BOLL: variants seen among roughly 807,000 people sequenced by gnomAD.
The protein encoded by BOLL is boule RNA binding protein, also known as protein boule-like.
Under a neutral mutation model 44.4 loss-of-function variants are expected in BOLL, and 23 were observed. The ratio of observed to expected loss-of-function variants is 0.52; its 90% CI spans 0.37 to 0.73. The LOEUF (loss-of-function observed/expected upper bound fraction) is 0.73, where lower values mean the gene tolerates loss of function less well. Ranked by LOEUF, BOLL falls within the 30% of genes least tolerant of loss-of-function variation. BOLL has a pLI of 0.00. For synonymous variants in BOLL, 97 were observed against 110.8 expected, an observed-to-expected ratio of 0.88 and a Z score of 0.78; for missense variants, 287 against 338.3, an observed-to-expected ratio of 0.85 and a Z score of 1.19.
chr2:197,737,745 T>A (rs1687559300), intron 10 of BOLL, among the ~76,000 whole-genome samples: 1 of 152,142 alleles, frequency 6.6e-6, no homozygotes, highest in South Asian at 2.1e-4. Flanking sequence ...AATTTTTAGG[T>A]AAGTGCACGC....
upstream of BOLL, chr2:197,785,404 C>G (rs189516415): frequency 4.4e-3 from 4,285 of 983,732 alleles, 9 homozygotes; most frequent in Middle Eastern, 9.4e-3. This position sits in a 1 kb window ranked among gnomAD's most constrained non-coding sequence, Gnocchi z 6.7. Context: ...CGCTGCGCCT[C>G]GGGCCTGTGC....
chr2:197,784,454 G>A (rs1403892325), intron 1 of BOLL, among the ~76,000 whole-genome samples: 2 of 115,004 alleles, frequency 1.7e-5, no homozygotes, highest in Non-Finnish European at 3.4e-5. Context: ...ATATATTTGA[G>A]ACAGTCTTGC....
rs752832563 is a variant in BOLL, at chr2:197,728,281, T to G, written c.*274A>C. On this transcript the variant is annotated 3_prime_UTR_variant, in exon 11 of 11. Coordinates refer to ENST00000392296, the MANE Select transcript of BOLL (RefSeq NM_033030.6). ...ATGTGGTTATTATTTATGGAATGGA[T>G]AAAACATGTTGTAGAAAAGGTCATT... 7 of 493,048 alleles carry G rather than the reference T, an allele frequency of 1.4e-5. No individual in the cohort carries two copies. The highest frequency in any genetic ancestry group is 2.5e-5 in the Non-Finnish European group (7 of 279,686). 30.5% of individuals were successfully genotyped at this position (493,048 alleles called of 1,614,324 possible).
At position 197,783,921 on chromosome 2, in the gene BOLL, A is replaced by T. The variant is rs1003479293; in HGVS notation, c.-16+1135T>A. Among the ~76,000 whole-genome samples, 41 of 152,186 alleles carry T rather than the reference A, an allele frequency of 2.7e-4. 1 individual carries two copies. Among genetic ancestry groups the T allele is most frequent in the Admixed American group, 2.6e-3 (40 of 15,276 alleles). On this transcript the variant is annotated intron_variant, in intron 1 of 10. Transcript: ENST00000392296. ...ATGAAATTCTCTTATTGAAAATAAGATGTACTAATATGTTCGCAAGTTTAA... is the reference window on the plus strand; with the variant it reads ...ATGAAATTCTCTTATTGAAAATAAGTTGTACTAATATGTTCGCAAGTTTAA...
chr2:197,783,340 C>A (rs1309999534), intron 1 of BOLL, among the ~76,000 whole-genome samples: 1 of 152,148 alleles, frequency 6.6e-6, no homozygotes, highest in Non-Finnish European at 1.5e-5. Context: ...AATTCCAATT[C>A]TCTGAGAAAC....
At chr2:197,733,669 C>G (rs1687324118) in intron 10 of BOLL, among the ~76,000 whole-genome samples, 1 of 152,114 alleles carries the variant, frequency 6.6e-6, no homozygotes, top group African/African-American at 2.4e-5. Context: ...ATATCTACAA[C>G]TATCTGATCT....
intron 10 of BOLL, among the ~76,000 whole-genome samples, chr2:197,738,559 C>T (rs1300628199): frequency 6.6e-6 from 1 of 152,198 alleles, no homozygotes; most frequent in Non-Finnish European, 1.5e-5. Flanking sequence ...GTAAACAGTA[C>T]TTCACAGCAG....
intron 3 of BOLL, among the ~76,000 whole-genome samples, 166 bp from the exon 4 acceptor site, chr2:197,777,279 T>G (rs1689559060): frequency 1.3e-5 from 2 of 151,796 alleles, no homozygotes; most frequent in Non-Finnish European, 2.9e-5. Flanking sequence ...ATTCACAGCC[T>G]AACACTGTCA....
chr2:197,741,564 G>C (rs1687733900), intron 10 of BOLL, among the ~76,000 whole-genome samples: 1 of 152,156 alleles, frequency 6.6e-6, no homozygotes. Context: ...AATGGGGAAA[G>C]GATCCCCTAT....
At chr2:197,758,647 T>C (rs767854892) in intron 7 of BOLL, among the ~76,000 whole-genome samples, 9 of 152,174 alleles carry the variant, frequency 5.9e-5, no homozygotes, top group Non-Finnish European at 1.0e-4. Flanking sequence ...CTGCAAGCCA[T>C]AGTTTGATGA....
At chr2:197,740,356 C>G (rs1687674558) in intron 10 of BOLL, among the ~76,000 whole-genome samples, 1 of 152,184 alleles carries the variant, frequency 6.6e-6, no homozygotes, top group Non-Finnish European at 1.5e-5. Flanking sequence ...ATATTACCAT[C>G]TCAACAGTTG....
chr2:197,761,017 G>A (rs573371947), intron 7 of BOLL, among the ~76,000 whole-genome samples: 4 of 152,226 alleles, frequency 2.6e-5, no homozygotes, highest in Non-Finnish European at 5.9e-5. Context: ...CAGAAATGAA[G>A]GAGAAATACG....
chr2:197,777,411 A>C (rs1382616126), intron 3 of BOLL, among the ~76,000 whole-genome samples: 2 of 151,888 alleles, frequency 1.3e-5, no homozygotes, highest in Non-Finnish European at 2.9e-5. Context: ...TTGGGGATGC[A>C]ATAAATTTCA....
At chr2:197,729,956 G>A (rs1687074808) in intron 10 of BOLL, among the ~76,000 whole-genome samples, 1 of 152,144 alleles carries the variant, frequency 6.6e-6, no homozygotes, top group Admixed American at 6.5e-5. Flanking sequence ...GAACAAAGCT[G>A]GATGGGGAAT....
At chr2:197,784,845 G>A in intron 1 of BOLL, 2 of 987,478 alleles carry the variant, frequency 2.0e-6, no homozygotes, top group Non-Finnish European at 2.4e-6. Flanking sequence ...AATTCCACTA[G>A]CAATAATTCC....
intron 10 of BOLL, among the ~76,000 whole-genome samples, chr2:197,742,219 G>C (rs1173428176): frequency 9.2e-5 from 14 of 152,280 alleles, no homozygotes; most frequent in Middle Eastern, 3.4e-3. Flanking sequence ...GTTGGTGGGA[G>C]TGTAAACTAG....
Position 197,728,445 on chromosome 2 carries a change from T to G in BOLL, c.*110A>C. The G allele has an allele frequency of 6.5e-7, 1 of 1,547,288 alleles. No individual in the cohort carries two copies. Among genetic ancestry groups the G allele is most frequent in the Non-Finnish European group, 8.9e-7 (1 of 1,121,384 alleles). On this transcript the variant is annotated 3_prime_UTR_variant, in exon 11 of 11. Coordinates refer to ENST00000392296, the MANE Select transcript of BOLL (RefSeq NM_033030.6). Reference sequence around the variant, plus strand: ...AGTATGGTGAGGTATTAACTAACACTAAGTTTCACAACGGGCAGCTTCTAG... The same window carrying G: ...AGTATGGTGAGGTATTAACTAACACGAAGTTTCACAACGGGCAGCTTCTAG...
intron 7 of BOLL, among the ~76,000 whole-genome samples, chr2:197,758,703 C>A (rs1437407906): frequency 1.3e-5 from 2 of 151,948 alleles, no homozygotes. Flanking sequence ...TCACTTATCC[C>A]CAATTTCTCA....
In BOLL at chr2:197,728,202, G is replaced by C; in HGVS notation, c.*353C>G. The C allele has an allele frequency of 2.6e-6, 1 of 380,644 alleles. No individual in the cohort carries two copies. 23.6% of individuals were successfully genotyped at this position (380,644 alleles called of 1,614,324 possible). A position where few individuals can be genotyped will look rare whatever the true frequency, so the allele number is the denominator to read the frequency against. ...TATGAAACATAACATCTAATTGTTT[G>C]ATAAGAAAAAATAACACAAAGCAGA... is the stretch of plus-strand genomic sequence containing the variant. On this transcript the variant is annotated 3_prime_UTR_variant, in exon 11 of 11. Coordinates refer to ENST00000392296, the MANE Select transcript of BOLL (RefSeq NM_033030.6).
Sources: gnomAD v4.1 joint callset for allele counts (sites outside exome capture counted in the v4.1 genomes callset) on GRCh38, gnomAD v4.1.1 for gene constraint, Gnocchi (gnomAD v3.1) non-coding constraint, MANE v1.5 for transcripts, NCBI Gene and HGNC (gene_info 2026-07-23, HGNC 2026-07-21) for gene names.